RGL1: variants seen among roughly 807,000 people sequenced by gnomAD.
The protein encoded by RGL1 is ral guanine nucleotide dissociation stimulator-like 1.
RGL1 carries 24 observed loss-of-function variants against 95.2 expected under a neutral mutation model. The ratio of observed to expected loss-of-function variants is 0.25; its 90% confidence interval spans 0.18 to 0.35. RGL1 has a LOEUF of 0.35. Ranked by LOEUF, RGL1 falls within the 10% of genes least tolerant of loss-of-function variation. The pLI, the probability that RGL1 is intolerant of heterozygous loss-of-function variation, is 1.00. For missense variants in RGL1, 715 were observed against 936.3 expected, an observed-to-expected ratio of 0.76 and a Z score of 3.08; for synonymous variants, 329 against 344.9, an observed-to-expected ratio of 0.95 and a Z score of 0.51.
intron 1 of RGL1, among the ~76,000 whole-genome samples, chr1:183,708,823 T>G (rs1655080041): frequency 6.6e-6 from 1 of 152,186 alleles, no homozygotes; most frequent in Admixed American, 6.5e-5. Flanking sequence ...GGAGCTTCCT[T>G]TGTCCGGTTG....
At chr1:183,769,428 C>A (rs1364039852) in intron 2 of RGL1, among the ~76,000 whole-genome samples, 1 of 152,194 alleles carries the variant, frequency 6.6e-6, no homozygotes, top group Non-Finnish European at 1.5e-5. Flanking sequence ...CTACTTTTAT[C>A]TTACCAATAA....
chr1:183,891,504 A>C (rs1359823196), intron 8 of RGL1, among the ~76,000 whole-genome samples: 2 of 152,154 alleles, frequency 1.3e-5, no homozygotes, highest in East Asian at 3.9e-4. Context: ...GGAGAGATGC[A>C]ATTGGAACTC....
intron 9 of RGL1, among the ~76,000 whole-genome samples, chr1:183,893,749 C>T (rs1019000453): frequency 1.3e-5 from 2 of 152,158 alleles, no homozygotes; most frequent in Non-Finnish European, 2.9e-5. Context: ...TTTCTCTGTC[C>T]TGGCACTTAT....
intron 10 of RGL1, 70 bp from the exon 11 acceptor site, chr1:183,900,080 C>T: frequency 7.9e-7 from 1 of 1,259,600 alleles, no homozygotes; most frequent in Non-Finnish European, 1.2e-6. Context: ...TTTGCTCCAG[C>T]TTGAAGATTC....
intron 1 of RGL1, among the ~76,000 whole-genome samples, chr1:183,701,890 T>C (rs1022763843): frequency 3.3e-5 from 5 of 152,174 alleles, no homozygotes; most frequent in Non-Finnish European, 7.3e-5. Flanking sequence ...TGAGCTGAGA[T>C]TGCACCATTG....
At chr1:183,802,608 A>C (rs1661057317), upstream of RGL1, among the ~76,000 whole-genome samples, 1 of 151,420 alleles carries the variant, frequency 6.6e-6, no homozygotes, top group African/African-American at 2.4e-5. Context: ...AGCAAAAAAA[A>C]AAAAAAAAAA....
intron 1 of RGL1, among the ~76,000 whole-genome samples, chr1:183,659,254 A>C (rs999909493): frequency 6.6e-6 from 1 of 152,054 alleles, no homozygotes; most frequent in African/African-American, 2.4e-5. Flanking sequence ...CGATCAAACT[A>C]CTCCGAGCTA....
chr1:183,766,860 T>C (rs1449775160), intron 2 of RGL1, among the ~76,000 whole-genome samples: 1 of 151,970 alleles, frequency 6.6e-6, no homozygotes, highest in Non-Finnish European at 1.5e-5. Context: ...TGATGAATGT[T>C]GGAAAAACAT....
chr1:183,780,328 G>C (rs1659832774), intron 2 of RGL1, among the ~76,000 whole-genome samples: 1 of 152,306 alleles, frequency 6.6e-6, no homozygotes, highest in East Asian at 1.9e-4. Context: ...ACAGGATGTG[G>C]CCATAAAGTA....
intron 3 of RGL1, among the ~76,000 whole-genome samples, chr1:183,855,494 A>G (rs1230692172): frequency 1.3e-5 from 2 of 152,266 alleles, no homozygotes; most frequent in Admixed American, 6.5e-5. Context: ...AAATATTCCT[A>G]GATTCATGCT....
At chr1:183,648,896 T>C (rs1650515433) in intron 1 of RGL1, 2 of 816,822 alleles carry the variant, frequency 2.4e-6, no homozygotes, top group African/African-American at 3.5e-5. Flanking sequence ...ATACTTTCTT[T>C]AAAGGAAGTA....
intron 2 of RGL1, among the ~76,000 whole-genome samples, chr1:183,834,385 C>T (rs1663485347): frequency 6.6e-6 from 1 of 152,032 alleles, no homozygotes; most frequent in Non-Finnish European, 1.5e-5. Flanking sequence ...CCACCCTCCC[C>T]TTCATTTTTT....
At chr1:183,864,065 C>CT (rs1458632537) in intron 3 of RGL1, among the ~76,000 whole-genome samples, 1 of 152,142 alleles carries the variant, frequency 6.6e-6, no homozygotes, top group Admixed American at 6.5e-5. Flanking sequence ...CACCTCAGCT[C>CT]TGAGTCTGAA....
At chr1:183,833,964 G>GTTTTTT (rs59912489) in intron 2 of RGL1, among the ~76,000 whole-genome samples, 10 of 140,580 alleles carry the variant, frequency 7.1e-5, no homozygotes, top group South Asian at 2.3e-4. Context: ...ATCTCTCTCT[G>GTTTTTT]TTTTTTTTTT....
intron 2 of RGL1, among the ~76,000 whole-genome samples, chr1:183,785,830 A>T (rs1328853279): frequency 3.3e-5 from 5 of 152,208 alleles, no homozygotes; most frequent in African/African-American, 1.2e-4. Flanking sequence ...TACACCTGTA[A>T]TCCTAACACT....
rs527720198 is a variant in RGL1 at position 183,922,172 on chromosome 1, C to T, written c.2005-50C>T. The T allele has an allele frequency of 5.2e-5, 77 of 1,483,218 alleles. No individual in the cohort carries two copies. The South Asian group carries it at 6.4e-4, about 12-fold the overall frequency. The allele number at this position is 1,483,218 out of a possible 1,614,324, so 91.9% of individuals were successfully genotyped here. ...AATGAGAGGGTCAGGAGAACTCCCT[C>T]AGGAAACGTGAAGCTAAGTACTTTA... On this transcript the variant is annotated intron_variant, in intron 16 of 17. Coordinates refer to ENST00000360851, the MANE Select transcript of RGL1 (RefSeq NM_001297671.3).
intron 2 of RGL1, among the ~76,000 whole-genome samples, chr1:183,786,406 C>G (rs1055154366): frequency 6.6e-6 from 1 of 152,070 alleles, no homozygotes; most frequent in Non-Finnish European, 1.5e-5. Context: ...TCTAAACAAA[C>G]AAACAACACA....
rs578071003 is a variant in RGL1 at position 183,918,664 on chromosome 1, C to T, written c.2004+1963C>T. Among the ~76,000 whole-genome samples the T allele has an allele frequency of 6.2e-4, 95 of 152,274 alleles. 1 individual carries two copies. The highest frequency in any genetic ancestry group is 2.2e-3 in the African/African-American group (93 of 41,558). On this transcript the variant is annotated intron_variant, in intron 16 of 17. Transcript: ENST00000360851. The stretch of plus-strand genomic sequence containing the variant: ...GTTGGGAGGGTAGTGAGCAGAAGAT[C>T]CCCTGCCCCCTGCTCTGAGATTCCT...
chr1:183,643,346 C>T (rs1442385712), intron 1 of RGL1, among the ~76,000 whole-genome samples: 1 of 151,528 alleles, frequency 6.6e-6, no homozygotes, highest in Non-Finnish European at 1.5e-5. Flanking sequence ...GACTGGAGTG[C>T]AGTGGTGCAA....
Sources: gnomAD v4.1 joint callset for allele counts (sites outside exome capture counted in the v4.1 genomes callset) on GRCh38, gnomAD v4.1.1 for gene constraint, MANE v1.5 for transcripts, NCBI Gene and HGNC (gene_info 2026-07-23, HGNC 2026-07-21) for gene names.